IKZF3: variants seen among roughly 807,000 people sequenced by gnomAD.
The protein encoded by IKZF3 is zinc finger protein Aiolos.
A neutral mutation model predicts 49.0 loss-of-function variants in IKZF3; 10 were observed. The observed-to-expected ratio is 0.20, with a 90% CI of 0.13 to 0.35. IKZF3 has a LOEUF of 0.35. Among genes scored for constraint, IKZF3 ranks in the 10% least tolerant of loss-of-function variants. The pLI, the probability that IKZF3 is intolerant of heterozygous loss-of-function variation, is 1.00. For synonymous variants in IKZF3, 209 were observed against 228.2 expected (o/e 0.92, Z 0.76); for missense variants, 498 against 664.8 (o/e 0.75, Z 2.76).
chr17:39,812,138 A>G (rs973329043), intron 3 of IKZF3, among the ~76,000 whole-genome samples: 28 of 152,192 alleles, frequency 1.8e-4, no homozygotes, highest in African/African-American at 6.5e-4. Context: ...ACCACCTACT[A>G]TATTTCATTT....
intron 3 of IKZF3, among the ~76,000 whole-genome samples, chr17:39,797,921 T>C (rs772928646): frequency 1.3e-5 from 2 of 152,254 alleles, no homozygotes; most frequent in East Asian, 1.9e-4. Flanking sequence ...AATTTCCATA[T>C]ATATAACTCC....
intron 6 of IKZF3, among the ~76,000 whole-genome samples, chr17:39,787,970 C>T (rs535202489): frequency 6.6e-6 from 1 of 152,342 alleles, no homozygotes; most frequent in South Asian, 2.1e-4. Context: ...TTTGCTCTTG[C>T]TGTTCCCTAG....
At chr17:39,833,872 T>A (rs906608562) in intron 1 of IKZF3, among the ~76,000 whole-genome samples, 4 of 152,208 alleles carry the variant, frequency 2.6e-5, no homozygotes, top group Non-Finnish European at 5.9e-5. Context: ...ACATCAGTTA[T>A]AATTAATGAA....
chr17:39,819,283 A>G (rs1183885921), intron 3 of IKZF3, among the ~76,000 whole-genome samples: 2 of 152,194 alleles, frequency 1.3e-5, no homozygotes, highest in Non-Finnish European at 2.9e-5. Flanking sequence ...TAAATTCCCA[A>G]ACCAACAGTG....
At position 39,862,584 on chromosome 17, in the gene IKZF3, T is replaced by C. The variant is rs191534721; in HGVS notation, c.7+1536A>G. ...CCTGACATTAAAATAGCCAAATTCA[T>C]ATAATTAACCTCTTTTTAAAATTTA... On this transcript the variant is annotated intron_variant, in intron 1 of 7. Transcript: ENST00000346872. Among the ~76,000 whole-genome samples, 551 of 152,304 alleles carry C rather than the reference T, an allele frequency of 3.6e-3. 3 individuals carry two copies. Among genetic ancestry groups the C allele is most frequent in the Middle Eastern group, 6.8e-3 (2 of 294 alleles).
At chr17:39,835,748 G>C (rs34518282) in intron 1 of IKZF3, 20,133 of 511,256 alleles carry the variant, frequency 0.039, 696 homozygotes, top group African/African-American at 0.13. Flanking sequence ...AGCTGATCTT[G>C]TAAGCTTGCC....
intron 1 of IKZF3, among the ~76,000 whole-genome samples, chr17:39,861,734 A>G (rs1447983079): frequency 1.3e-5 from 2 of 152,122 alleles, no homozygotes; most frequent in African/African-American, 4.8e-5. Flanking sequence ...AGGAGACAAA[A>G]ATTGTACAAT....
At position 39,792,794 on chromosome 17, in the gene IKZF3, C is replaced by T. The variant is rs751229833; in HGVS notation, c.303G>A (p.Leu101=). The change falls in exon 4 of 8, where the codon TTG becomes TTA. Residue 101 remains leucine, a synonymous_variant. Transcript: ENST00000346872. ...REYNEYENIK[L]ERHVVSFDSS... ...TATCGAATGAGACAACATGTCTCTC[C>T]AACTTAATGTTTTCATATTCATTAT... 3 of 1,614,162 alleles carry T rather than the reference C, an allele frequency of 1.9e-6. No individual in the cohort carries two copies. The highest frequency in any genetic ancestry group is 2.5e-6 in the Non-Finnish European group (3 of 1,180,018).
At chr17:39,832,527 A>T (rs2062142467) in intron 1 of IKZF3, among the ~76,000 whole-genome samples, 1 of 151,816 alleles carries the variant, frequency 6.6e-6, no homozygotes, top group South Asian at 2.1e-4. Flanking sequence ...ATGTACATAT[A>T]TATAATGAAA....
chr17:39,847,854 G>C (rs940577388), intron 1 of IKZF3, among the ~76,000 whole-genome samples: 6 of 152,198 alleles, frequency 3.9e-5, no homozygotes, highest in African/African-American at 1.4e-4. Context: ...AAGAGAAGCA[G>C]GATTTGTCTC....
chr17:39,863,176 T>A (rs992709078), intron 1 of IKZF3, among the ~76,000 whole-genome samples: 8 of 152,064 alleles, frequency 5.3e-5, no homozygotes, highest in African/African-American at 1.9e-4. Context: ...AAATGCAAAA[T>A]TTTTAAAGTT....
intron 1 of IKZF3, among the ~76,000 whole-genome samples, chr17:39,851,459 T>C (rs936081779): frequency 6.6e-6 from 1 of 152,186 alleles, no homozygotes; most frequent in African/African-American, 2.4e-5. Flanking sequence ...TAAATTGTGG[T>C]ATATCCATAC....
intron 3 of IKZF3, among the ~76,000 whole-genome samples, chr17:39,812,818 G>T (rs528691282): frequency 7.7e-4 from 117 of 152,318 alleles, no homozygotes; most frequent in African/African-American, 2.8e-3. Context: ...GCAAAAAGAG[G>T]CAGGGCGAAG....
At chr17:39,803,529 T>C (rs79922482) in intron 3 of IKZF3, among the ~76,000 whole-genome samples, 2 of 152,020 alleles carry the variant, frequency 1.3e-5, no homozygotes, top group African/African-American at 2.4e-5. Context: ...TTTTTTTTTT[T>C]TGAGACAGAG....
chr17:39,840,212 G>T (rs966867049), intron 1 of IKZF3, among the ~76,000 whole-genome samples: 9 of 152,264 alleles, frequency 5.9e-5, no homozygotes, highest in Non-Finnish European at 1.2e-4. Flanking sequence ...CACATTAGTG[G>T]ATCAGCCAGA....
At position 39,789,111 on chromosome 17, in the gene IKZF3, C is replaced by G. The variant is rs116865107; in HGVS notation, c.593-737G>C. Among the ~76,000 whole-genome samples, 38 of 152,116 alleles carry G rather than the reference C, an allele frequency of 2.5e-4. No homozygotes were observed. In the East Asian group the frequency reaches 7.4e-3, roughly 30 times the overall value. On this transcript the variant is annotated intron_variant, in intron 5 of 7. Transcript: ENST00000346872. The stretch of plus-strand genomic sequence containing the variant: ...GGCTTACAGGTGTGAGCCATTGCAC[C>G]CGGCCAGGATATTTTTGAATAATAG...
intron 3 of IKZF3, among the ~76,000 whole-genome samples, chr17:39,796,981 G>A (rs529439057): frequency 6.6e-6 from 1 of 151,296 alleles, no homozygotes; most frequent in South Asian, 2.1e-4. Context: ...TGACTAACAT[G>A]GTGAAACCCC....
chr17:39,844,914 T>G (rs1279993948), intron 1 of IKZF3, among the ~76,000 whole-genome samples: 1 of 152,216 alleles, frequency 6.6e-6, no homozygotes, highest in Non-Finnish European at 1.5e-5. Context: ...TAAATCTGTC[T>G]TTTCCCACAA....
chr17:39,809,489 C>A (rs971718148), intron 3 of IKZF3, among the ~76,000 whole-genome samples: 2 of 152,210 alleles, frequency 1.3e-5, no homozygotes, highest in Non-Finnish European at 1.5e-5. Flanking sequence ...TCTTCATTCA[C>A]CTGCTGTGTG....
Sources: allele counts gnomAD v4.1 joint callset (sites outside exome capture counted in the v4.1 genomes callset), GRCh38; gene constraint gnomAD v4.1.1; transcripts MANE v1.5; gene names NCBI Gene and HGNC (gene_info 2026-07-23, HGNC 2026-07-21).